The following COL24A1 variants were observed in gnomAD, a reference collection of about 807,000 sequenced individuals.
COL24A1 encodes the protein collagen type XXIV alpha 1 chain.
COL24A1 carries 224 observed loss-of-function variants against 253.9 expected under a neutral mutation model. That is an observed-to-expected ratio of 0.88 (90% CI 0.79 to 0.99). The LOEUF (loss-of-function observed/expected upper bound fraction) is 0.99. COL24A1 is among the 50% of genes least tolerant of loss of function. COL24A1 has a pLI of 0.00. For missense variants in COL24A1, 2,131 were observed against 2,068.5 expected (o/e 1.03, Z -0.59); for synonymous variants, 685 against 673.7 (o/e 1.02, Z -0.26).
At chr1:85,828,189 C>A (rs774654038) in intron 43 of COL24A1, among the ~76,000 whole-genome samples, 1 of 152,034 alleles carries the variant, frequency 6.6e-6, no homozygotes, top group Non-Finnish European at 1.5e-5. Flanking sequence ...ACCCAGTAGT[C>A]ATTCAGGAGC....
chr1:85,848,810 G>C (rs188820946), intron 38 of COL24A1, among the ~76,000 whole-genome samples: 156 of 152,200 alleles, frequency 1.0e-3, no homozygotes, highest in Admixed American at 2.5e-3. Flanking sequence ...TTTTCCAGGG[G>C]TGCAGGTTGT....
At chr1:85,975,564 T>G (rs145306937) in intron 20 of COL24A1, among the ~76,000 whole-genome samples, 1 of 151,992 alleles carries the variant, frequency 6.6e-6, no homozygotes, top group Middle Eastern at 3.2e-3. Context: ...TAAAAAAAAA[T>G]TGATCTCATG....
At chr1:85,892,407 C>T (rs1268335615) in intron 31 of COL24A1, among the ~76,000 whole-genome samples, 1 of 151,930 alleles carries the variant, frequency 6.6e-6, no homozygotes, top group Non-Finnish European at 1.5e-5. Flanking sequence ...AAAATAAAGA[C>T]ATTTTATAAA....
intron 59 of COL24A1, 38 bp from the exon 60 acceptor site, chr1:85,730,730 A>G: frequency 6.2e-7 from 1 of 1,606,388 alleles, no homozygotes; most frequent in Non-Finnish European, 8.5e-7. Flanking sequence ...TACGCATTTC[A>G]TTAGCAGTCA....
chr1:86,052,984 G>A (rs1700421164), intron 10 of COL24A1, among the ~76,000 whole-genome samples: 1 of 152,004 alleles, frequency 6.6e-6, no homozygotes, highest in African/African-American at 2.4e-5. Flanking sequence ...TAAAAGAAAA[G>A]AGGGAGAGAG....
At chr1:86,021,086 G>A (rs1697487126) in intron 18 of COL24A1, among the ~76,000 whole-genome samples, 1 of 152,224 alleles carries the variant, frequency 6.6e-6, no homozygotes, top group African/African-American at 2.4e-5. Context: ...GTAAAGTTCT[G>A]TAATTTAATA....
chr1:86,040,541 C>T (rs1407668498), intron 12 of COL24A1, among the ~76,000 whole-genome samples: 1 of 146,192 alleles, frequency 6.8e-6, no homozygotes, highest in African/African-American at 2.5e-5. Flanking sequence ...TATTCCCATC[C>T]ATTGGTGTCA....
In COL24A1 at chr1:85,783,513, C is replaced by T. The variant is rs1303133058; in HGVS notation, c.4267G>A (p.Gly1423Ser). Reference protein sequence around the residue: ...AGIVGISGPKGPIGHRGNTGP... With the variant: ...AGIVGISGPKSPIGHRGNTGP... Reference sequence around the variant, plus strand: ...ACACTTACTCTGTGTCCAATAGGACCTTTAGGACCTGATATCCCAACAATG... The same window carrying T: ...ACACTTACTCTGTGTCCAATAGGACTTTTAGGACCTGATATCCCAACAATG... Residue 1423 changes from glycine to serine, a missense_variant, in exon 51 of 60, where the codon GGT becomes AGT. By Grantham distance (56) the Gly-to-Ser change is moderately conservative (BLOSUM62 0). Transcript: ENST00000370571. 3 of 1,613,384 alleles carry T rather than the reference C, an allele frequency of 1.9e-6. No homozygotes were observed. The highest frequency in any genetic ancestry group is 1.3e-5 in the African/African-American group (1 of 74,984).
chr1:85,826,023 G>A (rs1415625067), intron 43 of COL24A1, among the ~76,000 whole-genome samples: 2 of 128,252 alleles, frequency 1.6e-5, no homozygotes, highest in African/African-American at 5.7e-5. Context: ...GAACGGTAAT[G>A]CCTAGGTTTT....
chr1:85,830,262 A>T (rs1457437241), intron 43 of COL24A1, among the ~76,000 whole-genome samples: 1 of 152,060 alleles, frequency 6.6e-6, no homozygotes, highest in Non-Finnish European at 1.5e-5. Context: ...GACCCACTTG[A>T]GGAGGCAGTC....
intron 37 of COL24A1, among the ~76,000 whole-genome samples, chr1:85,859,585 G>A (rs572454906): frequency 6.6e-6 from 1 of 152,128 alleles, no homozygotes; most frequent in East Asian, 1.9e-4. Flanking sequence ...TCTCTTCAAG[G>A]ATATGTTGTT....
intron 43 of COL24A1, among the ~76,000 whole-genome samples, chr1:85,833,209 C>T (rs575702307): frequency 3.8e-4 from 58 of 152,184 alleles, no homozygotes; most frequent in Non-Finnish European, 6.2e-4. Context: ...AAAATTTTCG[C>T]AACCTACTCA....
intron 24 of COL24A1, among the ~76,000 whole-genome samples, chr1:85,912,584 G>T (rs757132080): frequency 6.6e-6 from 1 of 152,060 alleles, no homozygotes; most frequent in Non-Finnish European, 1.5e-5. Flanking sequence ...TACCCTTACA[G>T]ATCTCTATCT....
rs1436728245 is a variant in COL24A1 at position 85,888,209 on chromosome 1, T to C, written c.2976+1351A>G. Among the ~76,000 whole-genome samples, 3 of 152,130 alleles carry C rather than the reference T, an allele frequency of 2.0e-5. No individual in the cohort carries two copies. The East Asian group carries it at 5.8e-4, about 29-fold the overall frequency. ...AAAAAAGGTCCTGCCATTTTTTATC[T>C]GGATTATTGCAACAGCCAGCCATTC... On this transcript the variant is annotated intron_variant, in intron 32 of 59. Coordinates refer to ENST00000370571, the MANE Select transcript of COL24A1 (RefSeq NM_152890.7).
intron 39 of COL24A1, among the ~76,000 whole-genome samples, chr1:85,844,243 T>C (rs1172400802): frequency 6.6e-6 from 1 of 152,100 alleles, no homozygotes; most frequent in East Asian, 1.9e-4. Flanking sequence ...CCTCTGGCTA[T>C]AATGCAATGT....
At chr1:86,040,930 G>C (rs1699430692) in intron 12 of COL24A1, among the ~76,000 whole-genome samples, 1 of 152,104 alleles carries the variant, frequency 6.6e-6, no homozygotes, top group South Asian at 2.1e-4. Flanking sequence ...ATGTATCTGA[G>C]ATGCTACTAT....
At position 85,840,110 on chromosome 1, in the gene COL24A1, C is replaced by T. The variant is rs1321855585; in HGVS notation, c.3627+1112G>A. 2.6e-5 allele frequency among the ~76,000 whole-genome samples: 4 copies of T among 152,030 alleles called. 1 individual carries two copies. The highest frequency in any genetic ancestry group is 1.9e-4 in the East Asian group (1 of 5,194). ...TGTGGTTTAAGTTTCATGCCTGTCC[C>T]GTGTCTACTGGATAAAACTACTATT... is the stretch of plus-strand genomic sequence containing the variant. On this transcript the variant is annotated intron_variant, in intron 42 of 59. Transcript: ENST00000370571.
intron 14 of COL24A1, among the ~76,000 whole-genome samples, chr1:86,024,177 T>G (rs1697806040): frequency 6.6e-6 from 1 of 152,122 alleles, no homozygotes; most frequent in Admixed American, 6.6e-5. Context: ...ATTTTCTGAA[T>G]AGCTCTCCCT....
At chr1:86,086,048 C>T (rs1703040677) in intron 7 of COL24A1, among the ~76,000 whole-genome samples, 1 of 151,956 alleles carries the variant, frequency 6.6e-6, no homozygotes, top group South Asian at 2.1e-4. Flanking sequence ...TTTCACATAA[C>T]TTTCTTGCAG....
Sources: gnomAD v4.1 joint callset for allele counts (sites outside exome capture counted in the v4.1 genomes callset) on GRCh38, gnomAD v4.1.1 for gene constraint, MANE v1.5 for transcripts, NCBI Gene and HGNC (gene_info 2026-07-23, HGNC 2026-07-21) for gene names.